The following PAK3 variants were observed in gnomAD, a reference collection of about 807,000 sequenced individuals.
PAK3 encodes serine/threonine-protein kinase PAK 3.
Under a neutral mutation model 41.0 loss-of-function variants are expected in PAK3, and 4 were observed. That is an observed-to-expected ratio of 0.10 (90% CI 0.05 to 0.22). PAK3 has a LOEUF of 0.22. Ranked by LOEUF, PAK3 falls within the 10% of genes least tolerant of loss-of-function variation. The pLI is 1.00. For missense variants in PAK3, 205 were observed against 409.9 expected (o/e 0.50, Z 4.32); for synonymous variants, 146 against 139.6 (o/e 1.05, Z -0.32).
intron 4 of PAK3, among the ~76,000 whole-genome samples, chrX:111,112,219 A>G (rs958590722): frequency 9.1e-6 from 1 of 110,416 alleles, no homozygotes; most frequent in African/African-American, 3.3e-5. Context: ...ATTCGTCTCT[A>G]TGGATCTTAT....
intron 1 of PAK3, among the ~76,000 whole-genome samples, chrX:110,976,749 C>T (rs1472860779): frequency 9.0e-6 from 1 of 111,705 alleles, no homozygotes; most frequent in Non-Finnish European, 1.9e-5. Flanking sequence ...GAAAATGTGA[C>T]ACATATACAA....
intron 1 of PAK3, among the ~76,000 whole-genome samples, chrX:110,967,226 A>G (rs2091099152): frequency 8.8e-6 from 1 of 113,080 alleles, no homozygotes; most frequent in Non-Finnish European, 1.9e-5. Context: ...GAACAGGGCC[A>G]AGGGGACAAA....
At chrX:111,097,168 G>C (rs1435744070) in intron 1 of PAK3, among the ~76,000 whole-genome samples, 1 of 107,888 alleles carries the variant, frequency 9.3e-6, no homozygotes, top group Admixed American at 9.9e-5. Flanking sequence ...TTAGCTCGCT[G>C]GGGGACATTG....
chrX:110,945,882 CA>C (rs1336121666), intron 1 of PAK3, among the ~76,000 whole-genome samples: 3 of 111,365 alleles, frequency 2.7e-5, no homozygotes, highest in Non-Finnish European at 3.8e-5. Context: ...TTTCAGGGTC[CA>C]AAAATATACA....
At chrX:111,138,476 G>T (rs911460721) in intron 5 of PAK3, among the ~76,000 whole-genome samples, 3 of 111,572 alleles carry the variant, frequency 2.7e-5, no homozygotes, top group Non-Finnish European at 5.6e-5. Flanking sequence ...TTCTATGGGA[G>T]CATGAAAGGA....
chrX:111,155,482 C>T (rs1057263096), intron 8 of PAK3, among the ~76,000 whole-genome samples: 3 of 99,769 alleles, frequency 3.0e-5, no homozygotes, highest in African/African-American at 1.1e-4. Context: ...GCCTGGGTGA[C>T]AGAGCAAAAC....
At chrX:110,970,075 AT>A (rs2091174148) in intron 1 of PAK3, among the ~76,000 whole-genome samples, 1 of 111,979 alleles carries the variant, frequency 8.9e-6, no homozygotes, top group South Asian at 3.8e-4. Context: ...TTCTTGAGTG[AT>A]TATAAGTGCT....
intron 1 of PAK3, among the ~76,000 whole-genome samples, chrX:111,045,754 T>C (rs2092491464): frequency 9.0e-6 from 1 of 111,546 alleles, no homozygotes. Flanking sequence ...GGTCTCAGAA[T>C]TCTAGGAAAC....
At chrX:111,183,273 C>G (rs187384965) in intron 11 of PAK3, among the ~76,000 whole-genome samples, 89 of 111,538 alleles carry the variant, frequency 8.0e-4, no homozygotes, top group South Asian at 3.8e-3. Flanking sequence ...GAGATCATTA[C>G]AGAGAGCTGC....
At position 111,227,272 on chromosome X, in the gene PAK3, A is replaced by G. The variant is rs1387539543; in HGVS notation, c.*6825A>G. ...GAAGCAATAGAAAATTGAAATATGG[A>G]TTGTGCATGACTGTGTCTTGAGTGT... On this transcript the variant is annotated 3_prime_UTR_variant, in exon 18 of 18. Coordinates refer to ENST00000372007, the MANE Select transcript of PAK3 (RefSeq NM_002578.5). 8.9e-6 allele frequency: 1 copy of G among 112,228 alleles called. No individual in the cohort carries two copies. Among genetic ancestry groups the G allele is most frequent in the African/African-American group, 3.2e-5 (1 of 30,839 alleles). The allele number at this position is 112,228 out of a possible 1,213,427, so 9.2% of individuals were successfully genotyped here.
chrX:110,957,212 T>C (rs2090879495), intron 1 of PAK3, among the ~76,000 whole-genome samples: 1 of 112,506 alleles, frequency 8.9e-6, no homozygotes, highest in Admixed American at 9.4e-5. Context: ...TCCTAGTTGC[T>C]GTGCTAGCAT....
intron 1 of PAK3, among the ~76,000 whole-genome samples, chrX:111,003,798 T>G (rs1036730119): frequency 1.8e-5 from 2 of 111,466 alleles, no homozygotes; most frequent in African/African-American, 6.5e-5. Context: ...TGAAAAACAC[T>G]TGAAGGAATG....
chrX:111,077,546 C>G (rs2092796623), intron 1 of PAK3, among the ~76,000 whole-genome samples: 1 of 111,700 alleles, frequency 9.0e-6, no homozygotes, highest in Non-Finnish European at 1.9e-5. Context: ...ATGCCAAGAC[C>G]ACACAATGGG....
chrX:111,226,041 T>G lies in PAK3; in HGVS notation c.*5594T>G, dbSNP rs1203961131. 9.1e-6 allele frequency: 1 copy of G among 110,319 alleles called. No homozygotes were observed. The highest frequency in any genetic ancestry group is 1.9e-5 in the Non-Finnish European group (1 of 52,891). The allele number at this position is 110,319 out of a possible 1,213,427, so 9.1% of individuals were successfully genotyped here. ...AAAATACAAAATTAGCCGGGTGTGG[T>G]GGCGGGCGCCTGTAATCCCAGCTAC... On this transcript the variant is annotated 3_prime_UTR_variant, in exon 18 of 18. Transcript: ENST00000372007.
intron 11 of PAK3, among the ~76,000 whole-genome samples, chrX:111,186,093 C>G (rs989851228): frequency 9.0e-6 from 1 of 111,305 alleles, no homozygotes; most frequent in African/African-American, 3.3e-5. Context: ...ATTCAACACC[C>G]CTTCATCCTA....
chrX:111,027,119 T>C (rs897824798), intron 1 of PAK3, among the ~76,000 whole-genome samples: 2 of 111,212 alleles, frequency 1.8e-5, no homozygotes, highest in African/African-American at 3.3e-5. Flanking sequence ...TGTAGAAGAA[T>C]GAAACTGGAT....
At chrX:111,021,679 C>A (rs1054405721) in intron 1 of PAK3, among the ~76,000 whole-genome samples, 4 of 111,159 alleles carry the variant, frequency 3.6e-5, no homozygotes, top group African/African-American at 1.3e-4. Context: ...AAGATGAAAT[C>A]TCTGCAGTGC....
At chrX:110,963,365 C>A (rs767943862) in intron 1 of PAK3, among the ~76,000 whole-genome samples, 1 of 111,968 alleles carries the variant, frequency 8.9e-6, no homozygotes, top group Non-Finnish European at 1.9e-5. Context: ...CTTAGTTGCC[C>A]TCATTTACTC....
At chrX:111,108,099 A>G (rs986560135) in intron 4 of PAK3, among the ~76,000 whole-genome samples, 1 of 112,229 alleles carries the variant, frequency 8.9e-6, no homozygotes, top group Admixed American at 9.4e-5. Context: ...AAGCTTGGGC[A>G]TGGAGGGATC....
Sources: allele counts gnomAD v4.1 joint callset (sites outside exome capture counted in the v4.1 genomes callset), GRCh38; gene constraint gnomAD v4.1.1; transcripts MANE v1.5; gene names NCBI Gene and HGNC (gene_info 2026-07-23, HGNC 2026-07-21).